The following LINGO2 variants were observed in gnomAD, a reference collection of about 807,000 sequenced individuals.
The protein encoded by LINGO2 is leucine-rich repeat and immunoglobulin-like domain-containing nogo receptor-interacting protein 2.
Under a neutral mutation model 30.6 loss-of-function variants are expected in LINGO2, and 14 were observed. The observed-to-expected ratio is 0.46, with a 90% CI of 0.30 to 0.72. The LOEUF (loss-of-function observed/expected upper bound fraction) is 0.72, where lower values mean the gene tolerates loss of function less well. Ranked by LOEUF, LINGO2 falls within the 30% of genes least tolerant of loss-of-function variation. The pLI is 0.07. For synonymous variants in LINGO2, 317 were observed against 288.5 expected (o/e 1.10, Z -1.00); for missense variants, 729 against 751.7 (o/e 0.97, Z 0.35).
chr9:28,524,813 T>C lies in LINGO2; in HGVS notation c.-364-48788A>G, dbSNP rs560983827. Among the ~76,000 whole-genome samples, 19 of 152,192 alleles carry C rather than the reference T, an allele frequency of 1.2e-4. No homozygotes were observed. In the East Asian group the frequency reaches 3.1e-3, roughly 25 times the overall value. The stretch of plus-strand genomic sequence containing the variant: ...ACTTGAAGAAACTCTTACAATTTAA[T>C]ACTAAAAAGATAAACAATGGAATTC... On this transcript the variant is annotated intron_variant, in intron 1 of 5. Coordinates refer to ENST00000379992, the Ensembl canonical transcript of LINGO2.
the LINGO2 span, among the ~76,000 whole-genome samples, chr9:28,910,799 T>C: frequency 1.1e-4 from 16 of 152,058 alleles, no homozygotes; most frequent in East Asian, 5.8e-4. Context: ...TAGTTATTTA[T>C]AGCAGTATGA....
chr9:29,031,620 T>G, the LINGO2 span, among the ~76,000 whole-genome samples: 1 of 152,116 alleles, frequency 6.6e-6, no homozygotes, highest in African/African-American at 2.4e-5. Context: ...TCTATGACAC[T>G]GAGTCAAATG....
At chr9:28,202,593 T>G (rs1234237039) in intron 4 of LINGO2, among the ~76,000 whole-genome samples, 1 of 152,092 alleles carries the variant, frequency 6.6e-6, no homozygotes, top group Non-Finnish European at 1.5e-5. Flanking sequence ...GCACTAACAT[T>G]TCCTTTATTG....
intron 1 of LINGO2, among the ~76,000 whole-genome samples, chr9:28,591,108 T>A (rs892046766): frequency 6.8e-6 from 1 of 147,270 alleles, no homozygotes; most frequent in Non-Finnish European, 1.5e-5. Flanking sequence ...AATTGAACAA[T>A]GAGAACACAT....
intron 3 of LINGO2, among the ~76,000 whole-genome samples, chr9:28,312,533 T>C (rs550360665): frequency 1.6e-4 from 24 of 152,308 alleles, no homozygotes; most frequent in African/African-American, 5.8e-4. Flanking sequence ...ATTTCAGTCA[T>C]AAATATCAAC....
At chr9:28,389,778 A>G (rs913056620) in intron 2 of LINGO2, among the ~76,000 whole-genome samples, 1 of 152,248 alleles carries the variant, frequency 6.6e-6, no homozygotes, top group Non-Finnish European at 1.5e-5. Flanking sequence ...TGCATTCAAC[A>G]GACATCTAGA....
intron 4 of LINGO2, among the ~76,000 whole-genome samples, chr9:28,078,938 A>T (rs750574146): frequency 6.7e-6 from 1 of 148,806 alleles, no homozygotes; most frequent in Non-Finnish European, 1.5e-5. Context: ...AAAATAATGA[A>T]GATAAAGATG....
chr9:28,332,930 C>A (rs1825472761), intron 3 of LINGO2, among the ~76,000 whole-genome samples: 1 of 152,094 alleles, frequency 6.6e-6, no homozygotes, highest in Admixed American at 6.6e-5. Flanking sequence ...TAAATGTAAT[C>A]AGAAAGAAGG....
At chr9:28,870,606 G>A in the LINGO2 span, among the ~76,000 whole-genome samples, 1 of 152,142 alleles carries the variant, frequency 6.6e-6, no homozygotes, top group African/African-American at 2.4e-5. Context: ...GTCATAAACT[G>A]TGCCTTAGTC....
chr9:28,047,136 C>G (rs757363967), intron 4 of LINGO2, among the ~76,000 whole-genome samples: 9 of 152,144 alleles, frequency 5.9e-5, no homozygotes, highest in Non-Finnish European at 1.3e-4. Context: ...AGTGACTCCA[C>G]TATGAAGGCT....
At chr9:28,561,593 A>G (rs1823061724) in intron 1 of LINGO2, among the ~76,000 whole-genome samples, 1 of 134,084 alleles carries the variant, frequency 7.5e-6, no homozygotes, top group Admixed American at 7.6e-5. Context: ...TTTATATATT[A>G]TATATAAATG....
At chr9:28,037,714 T>C (rs988798259) in intron 4 of LINGO2, among the ~76,000 whole-genome samples, 2 of 152,256 alleles carry the variant, frequency 1.3e-5, no homozygotes, top group Non-Finnish European at 2.9e-5. Flanking sequence ...GAACTACCAA[T>C]AAATTAGCGA....
At chr9:28,817,166 G>T in the LINGO2 span, among the ~76,000 whole-genome samples, 1 of 152,032 alleles carries the variant, frequency 6.6e-6, no homozygotes, top group Non-Finnish European at 1.5e-5. Flanking sequence ...AGTAGGAGGT[G>T]CTCAGAAAAA....
the LINGO2 span, among the ~76,000 whole-genome samples, chr9:28,908,387 A>C: frequency 4.6e-5 from 7 of 151,830 alleles, no homozygotes; most frequent in Non-Finnish European, 8.8e-5. Flanking sequence ...AAATTTTATA[A>C]GACTGATTAT....
intron 4 of LINGO2, among the ~76,000 whole-genome samples, chr9:28,253,854 T>C (rs1483707101): frequency 6.6e-6 from 1 of 152,082 alleles, no homozygotes; most frequent in Admixed American, 6.5e-5. Flanking sequence ...GCCTACACAC[T>C]GGGAAAAATG....
the LINGO2 span, among the ~76,000 whole-genome samples, chr9:29,108,799 A>C: frequency 9.9e-5 from 15 of 152,188 alleles, no homozygotes; most frequent in African/African-American, 3.4e-4. Flanking sequence ...GGGCACCAAC[A>C]CTGTGTTGGG....
At chr9:28,882,103 T>G in the LINGO2 span, among the ~76,000 whole-genome samples, 2 of 152,350 alleles carry the variant, frequency 1.3e-5, no homozygotes, top group South Asian at 4.1e-4. Flanking sequence ...ATCTGTACTT[T>G]CTTTATGTTC....
At chr9:28,008,036 G>T (rs1021724469) in intron 5 of LINGO2, among the ~76,000 whole-genome samples, 6 of 152,080 alleles carry the variant, frequency 3.9e-5, no homozygotes, top group African/African-American at 1.4e-4. Context: ...ACCACTTTTT[G>T]TTGAAATCAG....
At chr9:28,275,261 G>T (rs1057323158) in intron 4 of LINGO2, among the ~76,000 whole-genome samples, 1 of 151,742 alleles carries the variant, frequency 6.6e-6, no homozygotes, top group Non-Finnish European at 1.5e-5. Flanking sequence ...TTTTAGTAGA[G>T]ATGGGGTTTT....
Sources: gnomAD v4.1 joint callset for allele counts (sites outside exome capture counted in the v4.1 genomes callset) on GRCh38, gnomAD v4.1.1 for gene constraint, MANE v1.5 for transcripts, NCBI Gene and HGNC (gene_info 2026-07-23, HGNC 2026-07-21) for gene names.